Variants in IMPG1 observed in about 807,000 individuals in gnomAD.
IMPG1 encodes interphotoreceptor matrix proteoglycan of 150 kDa.
IMPG1 carries 85 observed loss-of-function variants against 92.0 expected under a neutral mutation model. The ratio of observed to expected loss-of-function variants is 0.92; its 90% CI spans 0.78 to 1.11. The LOEUF (loss-of-function observed/expected upper bound fraction) is 1.11. Ranked by LOEUF, IMPG1 falls within the 50% of genes least tolerant of loss-of-function variation. The pLI, the probability that IMPG1 is intolerant of heterozygous loss-of-function variation, is 0.00. For missense variants in IMPG1, 1,022 were observed against 956.0 expected, an observed-to-expected ratio of 1.07 and a Z score of -0.91; for synonymous variants, 367 against 334.1, an observed-to-expected ratio of 1.10 and a Z score of -1.08.
intron 1 of IMPG1, among the ~76,000 whole-genome samples, chr6:76,060,134 G>A (rs1784180782): frequency 6.6e-6 from 1 of 152,180 alleles, no homozygotes; most frequent in African/African-American, 2.4e-5. Context: ...TGGCTATGGT[G>A]AAGAGAATTA....
intron 12 of IMPG1, among the ~76,000 whole-genome samples, chr6:75,980,600 G>C (rs1263964727): frequency 1.3e-5 from 2 of 152,196 alleles, no homozygotes; most frequent in Admixed American, 1.3e-4. Context: ...GCCTTCATCT[G>C]TCTCCTGTGC....
chr6:76,002,917 C>T lies in IMPG1; in HGVS notation c.1291+1G>A. 2 of 1,610,952 alleles carry T rather than the reference C, an allele frequency of 1.2e-6. No individual in the cohort carries two copies. The highest frequency in any genetic ancestry group is 1.7e-6 in the Non-Finnish European group (2 of 1,177,284). On this transcript the variant is annotated splice_donor_variant, in intron 12 of 16. Transcript: ENST00000369950. LOFTEE classifies it high-confidence loss of function. Reference sequence around the variant, plus strand: ...CATAGACTTTGTGAGGGGAAACTTACCAGGTAGACCATGCTCTGCTCCGTC... The same window carrying T: ...CATAGACTTTGTGAGGGGAAACTTATCAGGTAGACCATGCTCTGCTCCGTC...
intron 13 of IMPG1, among the ~76,000 whole-genome samples, chr6:75,949,733 A>G (rs1321982252): frequency 2.6e-5 from 4 of 152,156 alleles, no homozygotes; most frequent in Non-Finnish European, 5.9e-5. Flanking sequence ...CTCATTATAA[A>G]TGGTGTGGGG....
In IMPG1 at chr6:76,008,535, G is replaced by A. The variant is rs1252312408; in HGVS notation, c.867-1035C>T. On this transcript the variant is annotated intron_variant, in intron 8 of 16. Transcript: ENST00000369950. ...AGGCATGCCACAACCCTCCTTCTGC[G>A]GAGGCAAGGAAGAATCTAACTAGTG... Among the ~76,000 whole-genome samples, 14 of 152,190 alleles carry A rather than the reference G, an allele frequency of 9.2e-5. No homozygotes were observed. In the East Asian group the frequency reaches 2.1e-3, roughly 23 times the overall value.
chr6:76,011,844 T>A (rs1353808331), intron 7 of IMPG1, among the ~76,000 whole-genome samples: 2 of 150,858 alleles, frequency 1.3e-5, no homozygotes, highest in African/African-American at 4.9e-5. Context: ...TGTTTGGTTT[T>A]TTGTTCTTGC....
chr6:75,960,611 T>G (rs1201769096), intron 12 of IMPG1, among the ~76,000 whole-genome samples: 3 of 152,194 alleles, frequency 2.0e-5, no homozygotes, highest in Non-Finnish European at 4.4e-5. Flanking sequence ...AGATTGAAGC[T>G]TCTAAGGTTA....
intron 8 of IMPG1, among the ~76,000 whole-genome samples, chr6:76,010,547 T>C (rs1333908832): frequency 6.6e-6 from 1 of 152,204 alleles, no homozygotes; most frequent in African/African-American, 2.4e-5. Flanking sequence ...TATCTTATGA[T>C]CTTATTTTTT....
At chr6:76,013,455 C>A (rs1179786421) in intron 7 of IMPG1, among the ~76,000 whole-genome samples, 1 of 152,080 alleles carries the variant, frequency 6.6e-6, no homozygotes, top group Non-Finnish European at 1.5e-5. Context: ...TCCCTCCTCC[C>A]CACACTGCAC....
At chr6:76,060,110 A>G (rs1348249537) in intron 1 of IMPG1, among the ~76,000 whole-genome samples, 3 of 152,234 alleles carry the variant, frequency 2.0e-5, no homozygotes, top group Non-Finnish European at 4.4e-5. Context: ...GGGGGCAATT[A>G]TGAAAATAGA....
chr6:75,981,181 A>C (rs1308296796), intron 12 of IMPG1, among the ~76,000 whole-genome samples: 1 of 152,196 alleles, frequency 6.6e-6, no homozygotes, highest in African/African-American at 2.4e-5. Flanking sequence ...CATTATAGAT[A>C]GTCTGCTGGT....
chr6:76,004,012 A>G, intron 10 of IMPG1, 62 bp from the exon 11 acceptor site: 2 of 1,249,412 alleles, frequency 1.6e-6, no homozygotes, highest in Non-Finnish European at 2.3e-6. Flanking sequence ...GGTTGGGACA[A>G]TAAAACAGTC....
intron 4 of IMPG1, among the ~76,000 whole-genome samples, chr6:76,033,871 G>A (rs1438491248): frequency 6.6e-6 from 1 of 151,854 alleles, no homozygotes; most frequent in Non-Finnish European, 1.5e-5. Flanking sequence ...ATATAACTTA[G>A]AGCTTTAGTA....
chr6:76,018,861 G>T lies in IMPG1; in HGVS notation c.667-3C>A. Reference sequence around the variant, plus strand: ...ACAGCGAATTCTGTTTCTCTTTCCTGAGTTTAAAAAAAAAAAAAAGGACTT... The same window carrying T: ...ACAGCGAATTCTGTTTCTCTTTCCTTAGTTTAAAAAAAAAAAAAAGGACTT... On this transcript the variant is annotated splice_polypyrimidine_tract_variant and splice_region_variant and intron_variant, in intron 6 of 16. Coordinates refer to ENST00000369950, the MANE Select transcript of IMPG1 (RefSeq NM_001563.4). The T allele has an allele frequency of 1.9e-6, 3 of 1,540,586 alleles. No homozygotes were observed. The highest frequency in any genetic ancestry group is 2.6e-6 in the Non-Finnish European group (3 of 1,147,512).
At position 76,005,551 on chromosome 6, in the gene IMPG1, ACACATTCCC is replaced by A. The variant is rs1783082142; in HGVS notation, c.888-26_888-18del. 1.2e-6 allele frequency: 2 copies of A among 1,610,950 alleles called. No individual in the cohort carries two copies. The highest frequency in any genetic ancestry group is 3.3e-5 in the Admixed American group (2 of 59,716). ...GAGCTTGAGCTGTAGATAGCAGAGG[ACACATTCCC>A]CACCCAAAGCCATTGTTACATGCCT... On this transcript the variant is annotated intron_variant, in intron 9 of 16. Coordinates refer to ENST00000369950, the MANE Select transcript of IMPG1 (RefSeq NM_001563.4).
At chr6:75,970,704 A>G (rs6910325) in intron 12 of IMPG1, among the ~76,000 whole-genome samples, 55,931 of 152,010 alleles carry the variant, frequency 0.37, 10,676 homozygotes, top group East Asian at 0.6. Context: ...AAGTAATTGT[A>G]ATATGGATTT....
At chr6:75,924,544 A>AATATAATTAATATAATTATATATAAT (rs1562334658) in intron 15 of IMPG1, among the ~76,000 whole-genome samples, 5 of 39,338 alleles carry the variant, frequency 1.3e-4, no homozygotes, top group Non-Finnish European at 2.0e-4. Context: ...ATAATTATAT[A>AATATAATTAATATAATTATATATAAT]ATATAATTAA....
At chr6:75,934,788 A>C in intron 14 of IMPG1, 2 of 315,886 alleles carry the variant, frequency 6.3e-6, no homozygotes, top group Non-Finnish European at 1.3e-5. Flanking sequence ...GCCCTCCGCT[A>C]CACCCCCCTT....
intron 5 of IMPG1, among the ~76,000 whole-genome samples, chr6:76,024,460 T>C (rs1336266593): frequency 2.6e-5 from 4 of 152,144 alleles, no homozygotes; most frequent in Non-Finnish European, 4.4e-5. Flanking sequence ...AAACATCTAA[T>C]AAACACAGGA....
At chr6:75,923,821 A>G (rs1562334215) in intron 15 of IMPG1, 115 bp from the exon 16 acceptor site, 2 of 611,402 alleles carry the variant, frequency 3.3e-6, no homozygotes, top group East Asian at 3.0e-5. Context: ...AATAGATAGC[A>G]TATTTTTGCA....
Sources: gnomAD v4.1 joint callset for allele counts (sites outside exome capture counted in the v4.1 genomes callset) on GRCh38, gnomAD v4.1.1 for gene constraint, MANE v1.5 for transcripts, NCBI Gene and HGNC (gene_info 2026-07-23, HGNC 2026-07-21) for gene names.